The following SPATA18 variants were observed in gnomAD, a reference collection of about 807,000 sequenced individuals.
SPATA18 encodes the protein spermatogenesis associated 18.
Under a neutral mutation model 68.1 loss-of-function variants are expected in SPATA18, and 54 were observed. That is an observed-to-expected ratio of 0.79 (90% CI 0.64 to 0.99). The LOEUF (loss-of-function observed/expected upper bound fraction) is 0.99. Among genes scored for constraint, SPATA18 ranks in the 50% least tolerant of loss-of-function variants. The pLI is 0.00. For synonymous variants in SPATA18, 242 were observed against 244.8 expected, an observed-to-expected ratio of 0.99 and a Z score of 0.11; for missense variants, 724 against 681.1, an observed-to-expected ratio of 1.06 and a Z score of -0.70.
intron 11 of SPATA18, 125 bp from the exon 12 acceptor site, chr4:52,094,402 C>A: frequency 3.9e-6 from 3 of 771,056 alleles, no homozygotes; most frequent in Admixed American, 2.4e-5. Flanking sequence ...GGTGAAAAAT[C>A]ATAGTGCTAA....
chr4:52,069,814 C>T lies in SPATA18; in HGVS notation c.423-7C>T. On this transcript the variant is annotated splice_region_variant and splice_polypyrimidine_tract_variant and intron_variant, in intron 4 of 12. Transcript: ENST00000295213. ...AATCTATCTTTAGTTACTGATTTAT[C>T]TTACAGTCTGGTTGAAACTGAAAAG... The T allele has an allele frequency of 1.3e-6, 2 of 1,560,608 alleles. No individual in the cohort carries two copies. The highest frequency in any genetic ancestry group is 1.2e-5 in the South Asian group (1 of 82,052).
At chr4:52,088,146 G>A (rs887738037) in intron 11 of SPATA18, among the ~76,000 whole-genome samples, 1 of 152,206 alleles carries the variant, frequency 6.6e-6, no homozygotes, top group Non-Finnish European at 1.5e-5. Flanking sequence ...TGCTGAAGTT[G>A]CTTATTAGCT....
intron 1 of SPATA18, among the ~76,000 whole-genome samples, chr4:52,057,219 T>C (rs1738430347): frequency 6.6e-6 from 1 of 152,200 alleles, no homozygotes; most frequent in African/African-American, 2.4e-5. Context: ...CTGAGCTTTG[T>C]TTCCAGGGCC....
chr4:52,051,608 C>T lies in SPATA18; in HGVS notation c.-97C>T, dbSNP rs539696009. On this transcript the variant is annotated 5_prime_UTR_variant, in exon 1 of 13. Coordinates refer to ENST00000295213, the MANE Select transcript of SPATA18 (RefSeq NM_145263.4). ...GCTCTGAGCCCCCCAGAAGAGAACA[C>T]CCTTCCCGCCATATCACCCCACGGT... 1 of 1,152,166 alleles carries T rather than the reference C, an allele frequency of 8.7e-7. No homozygotes were observed. Among genetic ancestry groups the T allele is most frequent in the African/African-American group, 1.5e-5 (1 of 66,048 alleles). 71.4% of individuals were successfully genotyped at this position (1,152,166 alleles called of 1,614,324 possible). A position where few individuals can be genotyped will look rare whatever the true frequency, so the allele number is the denominator to read the frequency against.
intron 1 of SPATA18, among the ~76,000 whole-genome samples, chr4:52,057,076 A>G (rs1296311247): frequency 6.6e-6 from 1 of 152,042 alleles, no homozygotes; most frequent in Non-Finnish European, 1.5e-5. Flanking sequence ...CTTGTTATCC[A>G]CACAGAGCAC....
chr4:52,055,902 G>A (rs974401619), intron 1 of SPATA18, among the ~76,000 whole-genome samples: 2 of 152,162 alleles, frequency 1.3e-5, no homozygotes, highest in African/African-American at 2.4e-5. Context: ...AGGAGACATT[G>A]TGTCCCTAGC....
chr4:52,061,746 C>T (rs1738877010), intron 3 of SPATA18, among the ~76,000 whole-genome samples: 1 of 152,088 alleles, frequency 6.6e-6, no homozygotes, highest in Admixed American at 6.5e-5. Context: ...GCACACTAAA[C>T]AAGTTACACA....
At chr4:52,075,635 A>T (rs1345590210) in intron 6 of SPATA18, among the ~76,000 whole-genome samples, 1 of 152,148 alleles carries the variant, frequency 6.6e-6, no homozygotes, top group African/African-American at 2.4e-5. Context: ...CTCCTGAGTG[A>T]TTTCTTGTAA....
rs1739648072 is a variant in SPATA18 at position 52,069,868 on chromosome 4, C to T, written c.470C>T (p.Ala157Val). Residue 157 changes from alanine to valine, a missense_variant, in exon 5 of 13, where the codon GCC becomes GTC. Physicochemically the swap from Ala to Val is moderately conservative, Grantham distance 64 (BLOSUM62 0). Transcript: ENST00000295213. The part of the protein sequence containing the change: ...KNLEESKNRS[A>V]ISLLAAEEEI... Reference sequence around the variant, plus strand: ...CTTGAAGAAAGCAAGAACAGATCGGCCATATCCCTTTTGGCTGCAGAGGAG... The same window carrying T: ...CTTGAAGAAAGCAAGAACAGATCGGTCATATCCCTTTTGGCTGCAGAGGAG... 6.3e-7 allele frequency: 1 copy of T among 1,598,158 alleles called. No homozygotes were observed. The highest frequency in any genetic ancestry group is 8.5e-7 in the Non-Finnish European group (1 of 1,170,076).
At chr4:52,075,884 A>G (rs564740493) in intron 6 of SPATA18, among the ~76,000 whole-genome samples, 3 of 152,350 alleles carry the variant, frequency 2.0e-5, no homozygotes, top group African/African-American at 7.2e-5. Flanking sequence ...GGGAACAACA[A>G]GTAGTTAATA....
At chr4:52,069,006 G>GTC (rs1739568180) in intron 4 of SPATA18, among the ~76,000 whole-genome samples, 1 of 152,024 alleles carries the variant, frequency 6.6e-6, no homozygotes, top group Admixed American at 6.5e-5. Context: ...TGAGACTACA[G>GTC]GCACACACCA....
At chr4:52,082,659 G>A in intron 10 of SPATA18, 149 bp downstream of exon 10, 1 of 1,522,150 alleles carries the variant, frequency 6.6e-7, no homozygotes, top group South Asian at 1.2e-5. Flanking sequence ...ATCTCAAGAA[G>A]AACTGATTCT....
chr4:52,053,710 A>G (rs1013785925), intron 1 of SPATA18, among the ~76,000 whole-genome samples: 3 of 151,986 alleles, frequency 2.0e-5, no homozygotes, highest in Admixed American at 1.3e-4. Context: ...CTCCCTTTTC[A>G]CCATCATAAT....
intron 1 of SPATA18, 49 bp downstream of exon 1, chr4:52,051,840 G>A: frequency 6.5e-7 from 1 of 1,537,706 alleles, no homozygotes. Flanking sequence ...ATAGGTTCCA[G>A]CACAGCCCTT....
intron 11 of SPATA18, 35 bp downstream of exon 11, chr4:52,085,034 C>A: frequency 1.4e-5 from 20 of 1,430,092 alleles, no homozygotes; most frequent in East Asian, 2.4e-5. Context: ...ACACAAAATT[C>A]ATCTATGGTT....
intron 6 of SPATA18, 53 bp downstream of exon 6, chr4:52,072,209 G>T: frequency 3.8e-6 from 6 of 1,586,616 alleles, no homozygotes; most frequent in Non-Finnish European, 5.1e-6. Context: ...GCTGAGTTAA[G>T]GGATCGGGGA....
At chr4:52,054,711 T>C (rs1253488200) in intron 1 of SPATA18, among the ~76,000 whole-genome samples, 1 of 151,918 alleles carries the variant, frequency 6.6e-6, no homozygotes, top group Non-Finnish European at 1.5e-5. Flanking sequence ...TGATCTCTTA[T>C]CAAGAGAAAG....
chr4:52,088,819 C>T (rs1365906896), intron 11 of SPATA18, among the ~76,000 whole-genome samples: 2 of 152,132 alleles, frequency 1.3e-5, no homozygotes, highest in East Asian at 1.9e-4. Context: ...GGAGGATTCC[C>T]TATTTTTCTA....
intron 11 of SPATA18, among the ~76,000 whole-genome samples, chr4:52,090,657 T>G (rs1183536802): frequency 6.6e-6 from 1 of 152,226 alleles, no homozygotes; most frequent in East Asian, 1.9e-4. Flanking sequence ...ATTCACTCAC[T>G]GTTAGTATGA....
Sources: gnomAD v4.1 joint callset for allele counts (sites outside exome capture counted in the v4.1 genomes callset) on GRCh38, gnomAD v4.1.1 for gene constraint, MANE v1.5 for transcripts, NCBI Gene and HGNC (gene_info 2026-07-23, HGNC 2026-07-21) for gene names.